The following CTNNA2 variants were observed in gnomAD, a reference collection of about 807,000 sequenced individuals.
CTNNA2 encodes the protein catenin alpha-2.
In CTNNA2, 42 loss-of-function variants were observed where a neutral mutation model predicts 101.0. The ratio of observed to expected loss-of-function variants is 0.42; its 90% CI spans 0.32 to 0.54. The LOEUF (loss-of-function observed/expected upper bound fraction) is 0.54, where lower values mean the gene tolerates loss of function less well. Ranked by LOEUF, CTNNA2 falls within the 20% of genes least tolerant of loss-of-function variation. The pLI, the probability that CTNNA2 is intolerant of heterozygous loss-of-function variation, is 0.14. For missense variants in CTNNA2, 871 were observed against 1,223.1 expected (o/e 0.71, Z 4.29); for synonymous variants, 450 against 456.4 (o/e 0.99, Z 0.18).
At chr2:79,556,311 G>A (rs1674441549) in intron 1 of CTNNA2, among the ~76,000 whole-genome samples, 1 of 151,992 alleles carries the variant, frequency 6.6e-6, no homozygotes, top group African/African-American at 2.4e-5. Flanking sequence ...GAGGATCAGA[G>A]GATTTCCTCC....
Position 80,536,237 on chromosome 2 carries a change from T to A in CTNNA2, c.1291-8745T>A, listed in dbSNP as rs79766851. Reference sequence around the variant, plus strand: ...CTTCAGATGGAGACCGCAGCACTTTTCATTGTGATGATAGTTTTAGAGAAA... The same window carrying A: ...CTTCAGATGGAGACCGCAGCACTTTACATTGTGATGATAGTTTTAGAGAAA... On this transcript the variant is annotated intron_variant, in intron 9 of 18. Coordinates refer to ENST00000402739, the MANE Select transcript of CTNNA2 (RefSeq NM_001282597.3). 5.3e-3 allele frequency among the ~76,000 whole-genome samples: 805 copies of A among 152,304 alleles called. 6 individuals are homozygous for A. Among genetic ancestry groups the A allele is most frequent in the African/African-American group, 0.018 (763 of 41,572 alleles).
At chr2:79,804,405 A>AT (rs1558943268) in intron 3 of CTNNA2, among the ~76,000 whole-genome samples, 1 of 152,142 alleles carries the variant, frequency 6.6e-6, no homozygotes, top group African/African-American at 2.4e-5. Context: ...CCTGGCTGGT[A>AT]TTTTTTTGAG....
intron 7 of CTNNA2, among the ~76,000 whole-genome samples, chr2:80,175,422 G>A (rs183144339): frequency 5.9e-5 from 9 of 152,220 alleles, no homozygotes; most frequent in Non-Finnish European, 1.3e-4. Flanking sequence ...TCAGTGTCTA[G>A]CCCAATGCCT....
At chr2:79,532,672 G>A (rs928586887) in intron 1 of CTNNA2, among the ~76,000 whole-genome samples, 1 of 151,868 alleles carries the variant, frequency 6.6e-6, no homozygotes, top group Non-Finnish European at 1.5e-5. Context: ...GCTTAATTCT[G>A]TACTGTCCTC....
chr2:80,094,075 T>C (rs1162759990), intron 7 of CTNNA2, among the ~76,000 whole-genome samples: 3 of 152,250 alleles, frequency 2.0e-5, no homozygotes, highest in African/African-American at 7.2e-5. Context: ...CATGAAGTCC[T>C]TGCCCATGCC....
chr2:79,347,529 G>A (rs935346755), intron 3 of CTNNA2, among the ~76,000 whole-genome samples: 1 of 152,078 alleles, frequency 6.6e-6, no homozygotes, highest in Admixed American at 6.6e-5. Context: ...TGTCATTATA[G>A]TTTTTTTCCA....
chr2:80,255,102 G>C (rs1293752972), intron 7 of CTNNA2, among the ~76,000 whole-genome samples: 1 of 152,168 alleles, frequency 6.6e-6, no homozygotes, highest in Non-Finnish European at 1.5e-5. Flanking sequence ...TTACCCACCA[G>C]CCTTCCTGTG....
intron 7 of CTNNA2, among the ~76,000 whole-genome samples, chr2:80,099,138 A>G (rs569155664): frequency 6.6e-6 from 1 of 151,956 alleles, no homozygotes; most frequent in Non-Finnish European, 1.5e-5. Context: ...GTATTCGGCC[A>G]TCTTGACTCC....
intron 4 of CTNNA2, among the ~76,000 whole-genome samples, chr2:79,433,883 G>T (rs1449589552): frequency 6.6e-6 from 1 of 152,172 alleles, no homozygotes; most frequent in Non-Finnish European, 1.5e-5. Flanking sequence ...CATAGTAGGT[G>T]ATCATGAAAT....
intron 9 of CTNNA2, among the ~76,000 whole-genome samples, chr2:80,492,338 C>T (rs530126314): frequency 6.6e-6 from 1 of 151,842 alleles, no homozygotes; most frequent in African/African-American, 2.4e-5. Context: ...ACCTGCAGAG[C>T]CATCAGCCAA....
chr2:79,215,889 G>A (rs968978548), intron 2 of CTNNA2, among the ~76,000 whole-genome samples: 7 of 152,058 alleles, frequency 4.6e-5, no homozygotes, highest in African/African-American at 1.2e-4. Flanking sequence ...TCGGCCTTGC[G>A]AGGAAGGGAG....
At chr2:80,446,347 A>T (rs1049750781) in intron 9 of CTNNA2, among the ~76,000 whole-genome samples, 2 of 152,192 alleles carry the variant, frequency 1.3e-5, no homozygotes, top group African/African-American at 2.4e-5. Context: ...CAACTCAGAT[A>T]CCACACATAG....
chr2:80,574,125 G>A (rs1319341197), intron 12 of CTNNA2, 38 bp from the exon 13 acceptor site: 1 of 1,589,246 alleles, frequency 6.3e-7, no homozygotes, highest in East Asian at 2.2e-5. Flanking sequence ...TAGTGAGAGA[G>A]AAATTGCCTA....
chr2:79,400,174 T>C (rs1202159910), intron 4 of CTNNA2, among the ~76,000 whole-genome samples: 1 of 152,098 alleles, frequency 6.6e-6, no homozygotes, highest in African/African-American at 2.4e-5. Flanking sequence ...AGTTTCTGAT[T>C]AGCCTTTCTT....
chr2:79,245,465 G>A lies in CTNNA2; in HGVS notation c.-406+47389G>A, dbSNP rs149571126. ...ACTCCATCTCCAAAAATAAAGGAAT[G>A]AATAAGATACCAGCATATACTACTT... On this transcript the variant is annotated intron_variant, in intron 2 of 21. Coordinates refer to the CTNNA2 transcript ENST00000466387. Among the ~76,000 whole-genome samples, 949 of 152,228 alleles carry A rather than the reference G, an allele frequency of 6.2e-3. 6 individuals carry two copies. The highest frequency in any genetic ancestry group is 9.2e-3 in the Non-Finnish European group (628 of 68,010).
chr2:79,646,662 T>G (rs1233383679), intron 1 of CTNNA2, among the ~76,000 whole-genome samples: 1 of 151,738 alleles, frequency 6.6e-6, no homozygotes, highest in Non-Finnish European at 1.5e-5. Flanking sequence ...CCTCAGTAGC[T>G]GGGACTACAA....
intron 9 of CTNNA2, among the ~76,000 whole-genome samples, chr2:80,540,861 A>G (rs1425891335): frequency 6.6e-6 from 1 of 151,902 alleles, no homozygotes; most frequent in East Asian, 1.9e-4. Flanking sequence ...CACCCTGGCT[A>G]TTTTTTGTAT....
chr2:79,718,355 A>G (rs1226941411), intron 2 of CTNNA2, among the ~76,000 whole-genome samples: 1 of 152,242 alleles, frequency 6.6e-6, no homozygotes, highest in Non-Finnish European at 1.5e-5. Context: ...TATGCTTAGC[A>G]TAAAATTTGA....
At chr2:79,893,276 T>G (rs1684434709) in intron 6 of CTNNA2, among the ~76,000 whole-genome samples, 1 of 152,182 alleles carries the variant, frequency 6.6e-6, no homozygotes, top group Non-Finnish European at 1.5e-5. Context: ...TAGGCTTCCA[T>G]GCCTCTCTTC....
Sources: allele counts gnomAD v4.1 joint callset (sites outside exome capture counted in the v4.1 genomes callset), GRCh38; gene constraint gnomAD v4.1.1; transcripts MANE v1.5; gene names NCBI Gene and HGNC (gene_info 2026-07-23, HGNC 2026-07-21).